The following NPAS2 variants were observed in gnomAD, a reference collection of about 807,000 sequenced individuals.
The protein encoded by NPAS2 is neuronal PAS domain protein 2.
Under a neutral mutation model 107.5 loss-of-function variants are expected in NPAS2, and 23 were observed. The observed-to-expected ratio is 0.21, with a 90% confidence interval of 0.15 to 0.30. The LOEUF is 0.30. NPAS2 is among the 10% of genes least tolerant of loss of function. The probability of loss-of-function intolerance (pLI) is 1.00; values close to 1 mark genes in which losing one functional copy is unlikely to be tolerated. For missense variants in NPAS2, 756 were observed against 1,043.3 expected (o/e 0.72, Z 3.79); for synonymous variants, 403 against 417.5 (o/e 0.97, Z 0.42).
intron 1 of NPAS2, among the ~76,000 whole-genome samples, chr2:100,833,456 A>G (rs1206285237): frequency 6.6e-6 from 1 of 152,184 alleles, no homozygotes; most frequent in African/African-American, 2.4e-5. Context: ...TTCTTGAATG[A>G]AGTACTTGGT....
chr2:100,875,734 C>G (rs1030053421), intron 1 of NPAS2, among the ~76,000 whole-genome samples: 2 of 152,184 alleles, frequency 1.3e-5, no homozygotes, highest in Non-Finnish European at 1.5e-5. Flanking sequence ...TGCTTGGTCC[C>G]GAGGCCCAGA....
At chr2:100,857,298 CAAAA>C (rs11312399) in intron 1 of NPAS2, among the ~76,000 whole-genome samples, 1 of 87,898 alleles carries the variant, frequency 1.1e-5, no homozygotes. Context: ...AACTCCTTCT[CAAAA>C]AAAAAAAAAA....
intron 1 of NPAS2, among the ~76,000 whole-genome samples, chr2:100,853,215 A>C (rs552745618): frequency 6.6e-6 from 1 of 152,332 alleles, no homozygotes; most frequent in Admixed American, 6.5e-5. Flanking sequence ...CTTCTGTCGC[A>C]ATCTTGCACA....
rs1681103155 is a variant in NPAS2 at position 100,892,002 on chromosome 2, T to G, written c.-22-12731T>G. Among the ~76,000 whole-genome samples the G allele has an allele frequency of 2.6e-5, 4 of 152,210 alleles. No homozygotes were observed. In the South Asian group the frequency reaches 8.3e-4, roughly 32 times the overall value. ...CTCCAAGCATGACTCGTAAATCTCC[T>G]TTTCCCCTCTTGCTGATTTTTCTAG... On this transcript the variant is annotated intron_variant, in intron 1 of 20. Transcript: ENST00000335681.
chr2:100,870,561 A>G (rs960543070), intron 1 of NPAS2, among the ~76,000 whole-genome samples: 3 of 151,898 alleles, frequency 2.0e-5, no homozygotes, highest in African/African-American at 7.3e-5. Flanking sequence ...ACACCTGGTG[A>G]ATTTTTGTGT....
chr2:100,897,420 T>C (rs1207981188), intron 1 of NPAS2, among the ~76,000 whole-genome samples: 1 of 152,176 alleles, frequency 6.6e-6, no homozygotes, highest in Non-Finnish European at 1.5e-5. Flanking sequence ...GAGATAGGTG[T>C]CTGTCACTCA....
intron 2 of NPAS2, among the ~76,000 whole-genome samples, chr2:100,910,402 G>A (rs1356865313): frequency 6.6e-6 from 1 of 152,074 alleles, no homozygotes; most frequent in African/African-American, 2.4e-5. Flanking sequence ...GCTGCTCTCA[G>A]TCACCCCCAG....
In NPAS2 at chr2:100,988,248, T is replaced by C; in HGVS notation, c.1799T>C (p.Leu600Pro). 6.2e-7 allele frequency: 1 copy of C among 1,613,900 alleles called. No individual in the cohort carries two copies. The highest frequency in any genetic ancestry group is 8.5e-7 in the Non-Finnish European group (1 of 1,180,000). Residue 600 changes from leucine (L) to proline (P), a missense_variant, in exon 17 of 21, where the codon CTC (leucine) becomes CCC (proline). Leu to Pro is a moderately conservative substitution (Grantham distance 98). Coordinates refer to ENST00000335681, the MANE Select transcript of NPAS2 (RefSeq NM_002518.4). ...SSAQVTSQHL[L>P]RESSVISTQG... The stretch of plus-strand genomic sequence containing the variant: ...GCCCAGGTCACAAGCCAGCACCTGC[T>C]CAGAGAATCAAGTGTGATATCAACC...
intron 1 of NPAS2, among the ~76,000 whole-genome samples, chr2:100,835,777 G>A (rs745647145): frequency 7.9e-5 from 12 of 152,150 alleles, no homozygotes; most frequent in South Asian, 2.1e-4. Flanking sequence ...TCATCATCCC[G>A]GGCCTGGAAA....
At chr2:100,990,142 T>C in intron 17 of NPAS2, 114 bp from the exon 18 acceptor site, 1 of 889,078 alleles carries the variant, frequency 1.1e-6, no homozygotes. Flanking sequence ...TGGGAGGTTC[T>C]GATTTAGAGG....
intron 7 of NPAS2, among the ~76,000 whole-genome samples, chr2:100,961,183 A>T (rs1032994878): frequency 2.0e-5 from 3 of 152,196 alleles, no homozygotes; most frequent in Non-Finnish European, 4.4e-5. Context: ...ATGTCTTTAA[A>T]CTACCTTGGG....
chr2:100,948,533 A>G (rs1361770612), intron 6 of NPAS2, among the ~76,000 whole-genome samples, 178 bp downstream of exon 6: 1 of 152,230 alleles, frequency 6.6e-6, no homozygotes, highest in Admixed American at 6.5e-5. Flanking sequence ...TGGAATTTGG[A>G]ATATGTAAGA....
intron 7 of NPAS2, among the ~76,000 whole-genome samples, chr2:100,959,101 A>C (rs866064693): frequency 2.7e-4 from 27 of 99,414 alleles, no homozygotes; most frequent in Middle Eastern, 0.011. Flanking sequence ...AAAAAAAAAA[A>C]AAAAAAAACA....
intron 2 of NPAS2, among the ~76,000 whole-genome samples, chr2:100,914,570 G>A (rs1461480040): frequency 2.6e-5 from 4 of 152,154 alleles, no homozygotes; most frequent in African/African-American, 7.2e-5. Flanking sequence ...TTCTGCAAGA[G>A]CTACCCAGAA....
At chr2:100,856,361 C>T (rs1678554858) in intron 1 of NPAS2, among the ~76,000 whole-genome samples, 1 of 152,206 alleles carries the variant, frequency 6.6e-6, no homozygotes, top group Non-Finnish European at 1.5e-5. Flanking sequence ...CGAGCACAGG[C>T]TCCCAATGCT....
rs75741170 is a variant in NPAS2 at position 100,850,719 on chromosome 2, G to A, written c.-23+30305G>A. On this transcript the variant is annotated intron_variant, in intron 1 of 20. Coordinates refer to ENST00000335681, the MANE Select transcript of NPAS2 (RefSeq NM_002518.4). ...TGTAATCCCAGCACTTTAGGAGGCC[G>A]AGGTGGGAGGATCACTTGAGATCAG... Among the ~76,000 whole-genome samples the A allele has an allele frequency of 5.8e-3, 888 of 152,114 alleles. 49 individuals are homozygous for A. The East Asian group carries it at 0.14, about 24-fold the overall frequency.
intron 1 of NPAS2, among the ~76,000 whole-genome samples, chr2:100,841,162 C>T (rs1365592028): frequency 5.9e-5 from 9 of 152,252 alleles, no homozygotes; most frequent in Middle Eastern, 3.4e-3. Context: ...AGACTGGGCG[C>T]GACAGCTCAC....
intron 2 of NPAS2, among the ~76,000 whole-genome samples, chr2:100,910,537 T>TC (rs2104807782): frequency 6.6e-6 from 1 of 151,580 alleles, no homozygotes; most frequent in African/African-American, 2.4e-5. Context: ...TTTTTTTTTT[T>TC]TTTAAGACAG....
intron 1 of NPAS2, among the ~76,000 whole-genome samples, chr2:100,842,376 A>G (rs1677492248): frequency 6.6e-6 from 1 of 152,166 alleles, no homozygotes; most frequent in Admixed American, 6.5e-5. Context: ...GCACGTAGAC[A>G]GAATGCATCG....
Sources: allele counts gnomAD v4.1 joint callset (sites outside exome capture counted in the v4.1 genomes callset), GRCh38; gene constraint gnomAD v4.1.1; transcripts MANE v1.5; gene names NCBI Gene and HGNC (gene_info 2026-07-23, HGNC 2026-07-21).